The following ACOT11 variants were observed in gnomAD, a reference collection of about 807,000 sequenced individuals.
ACOT11 encodes acyl-coenzyme A thioesterase 11.
In ACOT11, 69 loss-of-function variants were observed where a neutral mutation model predicts 77.5. That is an observed-to-expected ratio of 0.89 (90% CI 0.73 to 1.09). ACOT11 has a LOEUF of 1.09. ACOT11 is among the 50% of genes least tolerant of loss of function. The probability of loss-of-function intolerance (pLI) is 0.00; values close to 1 mark genes in which losing one functional copy is unlikely to be tolerated. For synonymous variants in ACOT11, 279 were observed against 313.0 expected (o/e 0.89, Z 1.15); for missense variants, 766 against 813.7 (o/e 0.94, Z 0.71).
At chr1:54,558,322 A>G (rs1419877353) in intron 1 of ACOT11, among the ~76,000 whole-genome samples, 2 of 152,256 alleles carry the variant, frequency 1.3e-5, no homozygotes, top group African/African-American at 4.8e-5. Flanking sequence ...TGCTAGCTGT[A>G]TGCCATGCCT....
chr1:54,612,478 G>T (rs1294024633), downstream of ACOT11: 2 of 1,610,904 alleles, frequency 1.2e-6, no homozygotes, highest in Non-Finnish European at 1.7e-6. Flanking sequence ...GGGTTTGGTG[G>T]TTTTCACCTC....
At chr1:54,604,980 G>A in intron 12 of ACOT11, 96 bp from the exon 13 acceptor site, 1 of 1,339,268 alleles carries the variant, frequency 7.5e-7, no homozygotes, top group Non-Finnish European at 1.0e-6. Flanking sequence ...CACACAGCAA[G>A]TCAGCTGTAG....
At chr1:54,612,472 T>C (rs749628120), downstream of ACOT11, 5 of 1,600,656 alleles carry the variant, frequency 3.1e-6, no homozygotes, top group South Asian at 4.4e-5. Context: ...GGGGGTGGGT[T>C]TGGTGGTTTT....
downstream of ACOT11, among the ~76,000 whole-genome samples, chr1:54,613,404 C>T (rs1401650123): frequency 6.6e-6 from 1 of 151,408 alleles, no homozygotes; most frequent in African/African-American, 2.4e-5. Flanking sequence ...TTTTTCCTGT[C>T]TTCCTGCTTT....
Position 54,559,242 on chromosome 1 carries a change from C to G in ACOT11, c.33+10900C>G, listed in dbSNP as rs182771425. ...ACATGTGGACCCACCCCATCCCAGC[C>G]TCCTCTGCCCACCCTCACACACTGA... is the stretch of plus-strand genomic sequence containing the variant. On this transcript the variant is annotated intron_variant, in intron 1 of 15. Transcript: ENST00000343744. 2.5e-4 allele frequency among the ~76,000 whole-genome samples: 38 copies of G among 152,332 alleles called. No individual in the cohort carries two copies. The East Asian group carries it at 5.0e-3, about 20-fold the overall frequency.
intron 1 of ACOT11, among the ~76,000 whole-genome samples, chr1:54,560,488 T>A (rs1653430148): frequency 6.6e-6 from 1 of 152,236 alleles, no homozygotes; most frequent in Non-Finnish European, 1.5e-5. Context: ...CAGCAAATGA[T>A]ATATTAACTA....
downstream of ACOT11, among the ~76,000 whole-genome samples, chr1:54,612,248 TATAA>T (rs1262754193): frequency 2.0e-5 from 3 of 151,708 alleles, no homozygotes; most frequent in Admixed American, 6.6e-5. Context: ...TGTGTCTTGG[TATAA>T]ATATTTTCCA....
chr1:54,639,192 CAAAA>C (rs71254226), downstream of ACOT11: 22 of 53,836 alleles, frequency 4.1e-4, 1 homozygote, highest in African/African-American at 5.9e-4. Flanking sequence ...GATACTGTCT[CAAAA>C]AAAAAAAAAA....
At chr1:54,588,319 C>T (rs1289377642) in intron 3 of ACOT11, among the ~76,000 whole-genome samples, 1 of 152,212 alleles carries the variant, frequency 6.6e-6, no homozygotes, top group Non-Finnish European at 1.5e-5. Flanking sequence ...ACAATTAGTG[C>T]ACCAATACTG....
intron 1 of ACOT11, among the ~76,000 whole-genome samples, chr1:54,572,409 G>A (rs1653956039): frequency 6.6e-6 from 1 of 152,122 alleles, no homozygotes; most frequent in Non-Finnish European, 1.5e-5. Context: ...CAGCAGCCTT[G>A]GCTGTCTGGC....
At chr1:54,602,993 G>A (rs377228008) in intron 10 of ACOT11, among the ~76,000 whole-genome samples, 1 of 152,218 alleles carries the variant, frequency 6.6e-6, no homozygotes, top group African/African-American at 2.4e-5. Flanking sequence ...GAGTCCAGCC[G>A]ATTTTAAATC....
At chr1:54,633,075 C>A (rs889426728) in intron 16 of ACOT11, among the ~76,000 whole-genome samples, 2 of 152,146 alleles carry the variant, frequency 1.3e-5, no homozygotes, top group African/African-American at 4.8e-5. Flanking sequence ...TTTGAAAGAA[C>A]CACTTCAAGC....
rs1361044905 is a variant in ACOT11, at chr1:54,554,313, G to GTA, written c.33+5972_33+5973insAT. Among the ~76,000 whole-genome samples the GTA allele has an allele frequency of 1.6e-3, 151 of 95,110 alleles. 6 individuals carry two copies. The highest frequency in any genetic ancestry group is 6.3e-3 in the African/African-American group (131 of 20,826). The allele number at this position is 95,110 out of a possible 152,430, so 62.4% of individuals were successfully genotyped here. ...ATAGTGTGTGTGTGTGTGTGTGTGT[G>GTA]TGTGTGTGTGTGTGTGTGTGTATAT... is the stretch of plus-strand genomic sequence containing the variant. On this transcript the variant is annotated intron_variant, in intron 1 of 15. Transcript: ENST00000343744.
intron 6 of ACOT11, among the ~76,000 whole-genome samples, chr1:54,596,566 A>G (rs1283948582): frequency 6.6e-6 from 1 of 152,182 alleles, no homozygotes; most frequent in East Asian, 1.9e-4. Context: ...ACTGGAGTCA[A>G]GTACTTTGTG....
chr1:54,576,491 T>TTAAA (rs1330910972), intron 1 of ACOT11, among the ~76,000 whole-genome samples: 4 of 68,368 alleles, frequency 5.9e-5, no homozygotes, highest in African/African-American at 2.0e-4. Context: ...GAGCAAGATC[T>TTAAA]AAAAAAAAAA....
Position 54,548,277 on chromosome 1 carries a change from G to A in ACOT11, c.-33G>A, listed in dbSNP as rs1472285592. ...CTCAGGTGACCAGCTTGTGTCTCTG[G>A]GAGGGCGCTGCTTTCCCCGGCCACC... On this transcript the variant is annotated 5_prime_UTR_variant, in exon 1 of 16. Coordinates refer to ENST00000343744, the MANE Select transcript of ACOT11 (RefSeq NM_147161.4). 3.2e-6 allele frequency: 5 copies of A among 1,583,324 alleles called. No individual in the cohort carries two copies. The highest frequency in any genetic ancestry group is 1.3e-5 in the African/African-American group (1 of 74,384).
At chr1:54,572,988 G>A (rs946073277) in intron 1 of ACOT11, 7 of 985,298 alleles carry the variant, frequency 7.1e-6, no homozygotes, top group Admixed American at 1.2e-4. Flanking sequence ...ACTGACAGTG[G>A]CCCAGTGGGA....
At chr1:54,631,216 A>G (rs1023002865) in intron 16 of ACOT11, among the ~76,000 whole-genome samples, 2 of 152,156 alleles carry the variant, frequency 1.3e-5, no homozygotes, top group Non-Finnish European at 2.9e-5. Flanking sequence ...TCTTAGTTCT[A>G]TTCAGGCAGG....
chr1:54,629,143 G>A (rs1440193160), intron 15 of ACOT11, among the ~76,000 whole-genome samples: 1 of 130,098 alleles, frequency 7.7e-6, no homozygotes, highest in Non-Finnish European at 1.7e-5. Flanking sequence ...GGGAAAATAA[G>A]CAGTTCCCTG....
Sources: gnomAD v4.1 joint callset for allele counts (sites outside exome capture counted in the v4.1 genomes callset) on GRCh38, gnomAD v4.1.1 for gene constraint, MANE v1.5 for transcripts, NCBI Gene and HGNC (gene_info 2026-07-23, HGNC 2026-07-21) for gene names.